The following PRPF40B variants were observed in gnomAD, a reference collection of about 807,000 sequenced individuals.
PRPF40B encodes the protein pre-mRNA processing factor 40B, also known as pre-mRNA-processing factor 40 homolog B.
PRPF40B carries 56 observed loss-of-function variants against 124.5 expected under a neutral mutation model. The ratio of observed to expected loss-of-function variants is 0.45; its 90% CI spans 0.36 to 0.56. PRPF40B has a LOEUF of 0.56. PRPF40B is among the 20% of genes least tolerant of loss of function. The pLI, the probability that PRPF40B is intolerant of heterozygous loss-of-function variation, is 0.00. For missense variants in PRPF40B, 1,053 were observed against 1,169.5 expected (o/e 0.90, Z 1.45); for synonymous variants, 443 against 426.4 (o/e 1.04, Z -0.48).
Position 49,633,639 on chromosome 12 carries a change from C to T in PRPF40B, c.583C>T (p.Leu195=), listed in dbSNP as rs760274324. The change falls in exon 9 of 26, where the codon CTA becomes TTA. Residue 195 remains leucine, a splice_region_variant and synonymous_variant. Transcript: ENST00000548825. ...RPKDLDDLEV[L]VKQEAAGKQQ... is the part of the protein sequence containing the mutation. Reference sequence around the variant, plus strand: ...TGTGTTATCTTTTCCCATCACAGTTCTAGTCAAACAAGAGGCTGCAGGGTG... The same window carrying T: ...TGTGTTATCTTTTCCCATCACAGTTTTAGTCAAACAAGAGGCTGCAGGGTG... 6.2e-7 allele frequency: 1 copy of T among 1,614,066 alleles called. No homozygotes were observed. The highest frequency in any genetic ancestry group is 1.3e-5 in the African/African-American group (1 of 74,932).
Position 49,631,379 on chromosome 12 carries a change from C to T in PRPF40B, c.85-22C>T. The T allele has an allele frequency of 6.7e-7, 1 of 1,502,718 alleles. No individual in the cohort carries two copies. Among genetic ancestry groups the T allele is most frequent in the Non-Finnish European group, 8.9e-7 (1 of 1,127,518 alleles). 93.1% of individuals were successfully genotyped at this position (1,502,718 alleles called of 1,614,324 possible). A position where few individuals can be genotyped will look rare whatever the true frequency, so the allele number is the denominator to read the frequency against. On this transcript the variant is annotated intron_variant, in intron 2 of 25. Coordinates refer to ENST00000548825, the MANE Select transcript of PRPF40B (RefSeq NM_001031698.3). This position sits in a 1 kb window ranked among gnomAD's most constrained non-coding sequence, Gnocchi z 4.3. ...AGGCGATGTCTTCCCTGCTCAGTAT[C>T]TCTTCCTTTACTCATTTCCAGATGC...
chr12:49,630,439 C>T, intron 1 of PRPF40B, 106 bp from the exon 2 acceptor site: 1 of 704,780 alleles, frequency 1.4e-6, no homozygotes, highest in South Asian at 1.5e-5. Context: ...GAAGACCCTC[C>T]TGAATTTTGT....
intron 12 of PRPF40B, 153 bp from the exon 13 acceptor site, chr12:49,634,946 C>A: frequency 1.2e-6 from 1 of 807,748 alleles, no homozygotes; most frequent in Non-Finnish European, 1.9e-6. Flanking sequence ...CTTCCTGTCA[C>A]CCCTACTTCT....
In PRPF40B at chr12:49,631,443, C is replaced by T. The variant is rs1161672585; in HGVS notation, c.127C>T (p.Leu43=). ...GIPPPFPPMG[L]PPMSQRPPAI... is the part of the protein sequence containing the mutation. ...CCCCCCACCCTTTCCTCCGATGGGG[C>T]TACCCCCCATGAGTCAGAGACCACC... Residue 43 remains leucine (L), a synonymous_variant, in exon 3 of 26, where the codon CTA becomes TTA. Transcript: ENST00000548825. This position sits in a 1 kb window ranked among gnomAD's most constrained non-coding sequence, Gnocchi z 4.3. 4.4e-6 allele frequency: 6 copies of T among 1,379,182 alleles called. No individual in the cohort carries two copies. Among genetic ancestry groups the T allele is most frequent in the Non-Finnish European group, 4.9e-6 (5 of 1,029,416 alleles). The allele number at this position is 1,379,182 out of a possible 1,614,324, so 85.4% of individuals were successfully genotyped here. A position where few individuals can be genotyped will look rare whatever the true frequency, so the allele number is the denominator to read the frequency against.
chr12:49,643,699 C>T lies in PRPF40B; in HGVS notation c.2389C>T (p.Leu797Phe), dbSNP rs1430859174. The T allele has an allele frequency of 3.1e-6, 5 of 1,613,904 alleles. No homozygotes were observed. In the African/African-American group the frequency reaches 6.7e-5, roughly 22 times the overall value. ...GATTTTTCTATCTCTAGATCATGGC[C>T]TTCGGAAAGCCAAGAAACCAAAAAA... Reference protein sequence around the residue: ...SSHLLGADHGLRKAKKPKKKT... With the variant: ...SSHLLGADHGFRKAKKPKKKT... The change falls in exon 24 of 26, where the codon CTT (leucine) becomes TTT (phenylalanine). Residue 797 changes from leucine to phenylalanine, a missense_variant. By Grantham distance (22) the Leu-to-Phe change is conservative. Around this residue, in one of 2 missense-constraint regions of PRPF40B, gnomAD observed 895 missense variants for 1,052.2 expected, o/e 0.85. Transcript: ENST00000548825.
intron 1 of PRPF40B, among the ~76,000 whole-genome samples, chr12:49,624,468 G>C (rs1034248826): frequency 6.6e-6 from 1 of 152,188 alleles, no homozygotes; most frequent in Non-Finnish European, 1.5e-5. Flanking sequence ...AAGGAGAGGA[G>C]GAGGTTGAAA....
intron 9 of PRPF40B, 42 bp downstream of exon 9, chr12:49,633,703 T>C: frequency 3.1e-6 from 5 of 1,613,834 alleles, no homozygotes; most frequent in Non-Finnish European, 4.2e-6. Flanking sequence ...TTGGGGCACC[T>C]GGAGTGTGGA....
In PRPF40B at chr12:49,633,564, G is replaced by A. The variant is rs1370618297; in HGVS notation, c.580+17G>A. ...ACCTAGAGGGTGAGATGTCCTACGG[G>A]TGGGCCAGGTCAGGAGCTCTGGGGG... On this transcript the variant is annotated intron_variant, in intron 8 of 25. Transcript: ENST00000548825. 6.2e-7 allele frequency: 1 copy of A among 1,614,118 alleles called. No individual in the cohort carries two copies. Among genetic ancestry groups the A allele is most frequent in the African/African-American group, 1.3e-5 (1 of 74,948 alleles).
In PRPF40B at chr12:49,630,610, G is replaced by C. The variant is rs1941127942; in HGVS notation, c.69G>C (p.Met23Ile). ...CCCCCTTCCCACCGGGGCCCCCCAT[G>C]ATGCCACCACCCTTCGTAAGTTTTA... ...APAPFPPGPPMMPPPFMPPPG... is the reference protein window; with the variant it reads ...APAPFPPGPPIMPPPFMPPPG... The change falls in exon 2 of 26, where the codon ATG (methionine) becomes ATC (isoleucine). Residue 23 changes from methionine to isoleucine, a missense_variant. Met to Ile is a conservative substitution (Grantham distance 10). Around this residue, in one of 2 missense-constraint regions of PRPF40B, gnomAD observed 158 missense variants for 117.3 expected, o/e 1.35. Coordinates refer to ENST00000548825, the MANE Select transcript of PRPF40B (RefSeq NM_001031698.3). 6 of 1,316,744 alleles carry C rather than the reference G, an allele frequency of 4.6e-6. No homozygotes were observed. Among genetic ancestry groups the C allele is most frequent in the Non-Finnish European group, 6.6e-6 (6 of 910,722 alleles). 81.6% of individuals were successfully genotyped at this position (1,316,744 alleles called of 1,614,324 possible). A position where few individuals can be genotyped will look rare whatever the true frequency, so the allele number is the denominator to read the frequency against.
intron 23 of PRPF40B, 119 bp downstream of exon 23, chr12:49,643,516 A>G (rs1051966927): frequency 2.8e-6 from 4 of 1,415,590 alleles, no homozygotes; most frequent in Non-Finnish European, 3.8e-6. Flanking sequence ...CACCTGTGGA[A>G]GTAGAAAGAA....
upstream of PRPF40B, chr12:49,623,455 C>G: frequency 1.0e-6 from 1 of 974,222 alleles, no homozygotes; most frequent in Non-Finnish European, 1.3e-6. Context: ...CGCTCGCCGG[C>G]GGGAGCCACC....
chr12:49,624,940 A>G (rs1011531607), intron 1 of PRPF40B, among the ~76,000 whole-genome samples: 3 of 151,808 alleles, frequency 2.0e-5, no homozygotes, highest in African/African-American at 4.8e-5. Context: ...GGAAAGTTGG[A>G]AACTAGGATG....
chr12:49,638,791 A>G (rs1811176855), intron 18 of PRPF40B: 1 of 152,186 alleles, frequency 6.6e-6, no homozygotes, highest in African/African-American at 2.4e-5. Context: ...CTGTTTCCTC[A>G]TCTAAAAAAT....
At chr12:49,643,481 A>T in intron 23 of PRPF40B, 84 bp downstream of exon 23, 2 of 1,487,952 alleles carry the variant, frequency 1.3e-6, no homozygotes, top group Non-Finnish European at 1.8e-6. Flanking sequence ...AGCTCCTTTG[A>T]GGGTAGACTG....
intron 6 of PRPF40B, 46 bp downstream of exon 6, chr12:49,632,926 T>TGG: frequency 6.2e-7 from 1 of 1,609,866 alleles, no homozygotes. Context: ...AGCCTGAGAG[T>TGG]GGGGGACTGA....
In PRPF40B at chr12:49,635,362, C is replaced by T. The variant is rs1201398940; in HGVS notation, c.1167-3C>T. On this transcript the variant is annotated splice_polypyrimidine_tract_variant and splice_region_variant and intron_variant, in intron 13 of 25. Coordinates refer to ENST00000548825, the MANE Select transcript of PRPF40B (RefSeq NM_001031698.3). This position sits in a 1 kb window ranked among gnomAD's most constrained non-coding sequence, Gnocchi z 4.1. ...ACCTACTCACAGCTTATATGCTCCA[C>T]AGGCGGGCAGAACAGACCTTTGGGG... The T allele has an allele frequency of 2.5e-6, 4 of 1,612,698 alleles. No individual in the cohort carries two copies. The highest frequency in any genetic ancestry group is 3.4e-6 in the Non-Finnish European group (4 of 1,179,312).
chr12:49,628,336 A>G (rs190813724), intron 1 of PRPF40B, among the ~76,000 whole-genome samples: 6 of 151,294 alleles, frequency 4.0e-5, no homozygotes, highest in African/African-American at 7.3e-5. Context: ...TCTCAGCTCA[A>G]TGCAACCTCC....
intron 23 of PRPF40B, 50 bp downstream of exon 23, chr12:49,643,447 G>A: frequency 1.3e-6 from 2 of 1,520,792 alleles, no homozygotes; most frequent in Admixed American, 2.2e-5. Context: ...GTCCCAGACT[G>A]AGAGGATGCC....
chr12:49,642,567 C>T lies in PRPF40B; in HGVS notation c.2023-13C>T, dbSNP rs761102233. 2 of 1,614,054 alleles carry T rather than the reference C, an allele frequency of 1.2e-6. No individual in the cohort carries two copies. The highest frequency in any genetic ancestry group is 1.1e-5 in the South Asian group (1 of 91,036). Reference sequence around the variant, plus strand: ...GGGGCCTAGTCTGATCAGCAGTGCTCTCCTCGTTCAAGGTCCGTGAGCGTT... The same window carrying T: ...GGGGCCTAGTCTGATCAGCAGTGCTTTCCTCGTTCAAGGTCCGTGAGCGTT... On this transcript the variant is annotated splice_polypyrimidine_tract_variant and intron_variant, in intron 20 of 25. Coordinates refer to ENST00000548825, the MANE Select transcript of PRPF40B (RefSeq NM_001031698.3). The surrounding 1 kb of genome is among the most constrained non-coding windows in gnomAD (Gnocchi z 5.8).
Sources: gnomAD v4.1 joint callset for allele counts (sites outside exome capture counted in the v4.1 genomes callset) on GRCh38, gnomAD v4.1.1 for gene constraint, gnomAD v4.1.1 regional missense constraint, Gnocchi (gnomAD v3.1) non-coding constraint, MANE v1.5 for transcripts, NCBI Gene and HGNC (gene_info 2026-07-23, HGNC 2026-07-21) for gene names.